The following OSBPL9 variants were observed in gnomAD, a reference collection of about 807,000 sequenced individuals.
The protein encoded by OSBPL9 is oxysterol binding protein like 9.
Under a neutral mutation model 106.6 loss-of-function variants are expected in OSBPL9, and 40 were observed. The observed-to-expected ratio is 0.38, with a 90% CI of 0.29 to 0.49. The LOEUF is 0.49. OSBPL9 is among the 20% of genes least tolerant of loss of function. The pLI, the probability that OSBPL9 is intolerant of heterozygous loss-of-function variation, is 0.97. For synonymous variants in OSBPL9, 269 were observed against 295.4 expected (o/e 0.91, Z 0.92); for missense variants, 609 against 887.2 (o/e 0.69, Z 3.98).
chr1:51,665,541 T>C (rs1296196873), intron 2 of OSBPL9, among the ~76,000 whole-genome samples: 1 of 152,040 alleles, frequency 6.6e-6, no homozygotes, highest in Non-Finnish European at 1.5e-5. Flanking sequence ...GGATGTAGGG[T>C]TTTTGTCATA....
intron 2 of OSBPL9, among the ~76,000 whole-genome samples, chr1:51,608,651 C>T (rs1341218190): frequency 6.7e-6 from 1 of 150,140 alleles, no homozygotes; most frequent in Non-Finnish European, 1.5e-5. Context: ...TGACCATCAT[C>T]TGATGGTCAC....
chr1:51,780,933 A>G (rs1328386093), intron 15 of OSBPL9, among the ~76,000 whole-genome samples: 1 of 152,110 alleles, frequency 6.6e-6, no homozygotes, highest in East Asian at 1.9e-4. Flanking sequence ...CAAACACACC[A>G]CCTGTTCCCC....
At chr1:51,649,736 C>CTTTTTTTTTT (rs71578080) in intron 1 of OSBPL9, among the ~76,000 whole-genome samples, 13 of 96,984 alleles carry the variant, frequency 1.3e-4, no homozygotes, top group East Asian at 3.2e-4. Flanking sequence ...ACATGTTAGT[C>CTTTTTTTTTT]TTTTTTTTTT....
chr1:51,706,203 A>T (rs927927820), intron 3 of OSBPL9, among the ~76,000 whole-genome samples: 1 of 152,094 alleles, frequency 6.6e-6, no homozygotes, highest in Admixed American at 6.6e-5. Context: ...TTATGAGATG[A>T]TTTTCAATTA....
chr1:51,729,931 C>A lies in OSBPL9; in HGVS notation c.319-15605C>A. On this transcript the variant is annotated intron_variant, in intron 4 of 23. Transcript: ENST00000428468. This position sits in a 1 kb window ranked among gnomAD's most constrained non-coding sequence, Gnocchi z 5.1. ...AAAAAGGGGTGCTCGGGAGCAGCCC[C>A]CGGCTACCTCCCCTGGAGGCACAGA... The A allele has an allele frequency of 7.7e-7, 1 of 1,306,612 alleles. No individual in the cohort carries two copies. Among genetic ancestry groups the A allele is most frequent in the Non-Finnish European group, 9.8e-7 (1 of 1,019,464 alleles). The allele number at this position is 1,306,612 out of a possible 1,614,324, so 80.9% of individuals were successfully genotyped here. A position where few individuals can be genotyped will look rare whatever the true frequency, so the allele number is the denominator to read the frequency against.
chr1:51,744,859 G>A (rs1002277747), intron 4 of OSBPL9, among the ~76,000 whole-genome samples: 1 of 152,188 alleles, frequency 6.6e-6, no homozygotes, highest in African/African-American at 2.4e-5. Flanking sequence ...ACATGCAAAT[G>A]CTGCACTTTT....
intron 3 of OSBPL9, among the ~76,000 whole-genome samples, chr1:51,689,263 G>A (rs1014491400): frequency 6.6e-6 from 1 of 152,046 alleles, no homozygotes. Context: ...GCTTGCCTTG[G>A]AAGCCAACAA....
At chr1:51,787,655 A>G in intron 23 of OSBPL9, 60 bp from the exon 24 acceptor site, 2 of 1,596,160 alleles carry the variant, frequency 1.3e-6, no homozygotes, top group Non-Finnish European at 1.7e-6. Context: ...ATGAAATAGT[A>G]AGTATATTAC....
rs533050028 is a variant in OSBPL9, at chr1:51,738,230, T to C, written c.319-7306T>C. Reference sequence around the variant, plus strand: ...GTGTTTTGTTCTATAAGTCAAAGGGTGTATTAGTATCAGATGAGGGTATCA... The same window carrying C: ...GTGTTTTGTTCTATAAGTCAAAGGGCGTATTAGTATCAGATGAGGGTATCA... On this transcript the variant is annotated intron_variant, in intron 4 of 23. Coordinates refer to ENST00000428468, the MANE Select transcript of OSBPL9 (RefSeq NM_024586.6). Among the ~76,000 whole-genome samples, 163 of 152,094 alleles carry C rather than the reference T, an allele frequency of 1.1e-3. 1 individual carries two copies. Among genetic ancestry groups the C allele is most frequent in the African/African-American group, 3.8e-3 (157 of 41,538 alleles).
At chr1:51,752,295 C>T (rs917600763) in intron 8 of OSBPL9, among the ~76,000 whole-genome samples, 2 of 150,142 alleles carry the variant, frequency 1.3e-5, no homozygotes, top group African/African-American at 4.9e-5. Flanking sequence ...ACGTGGAGGG[C>T]ATTTACCACA....
At chr1:51,529,647 A>G in the OSBPL9 span, among the ~76,000 whole-genome samples, 3 of 151,970 alleles carry the variant, frequency 2.0e-5, no homozygotes, top group Non-Finnish European at 4.4e-5. Context: ...TTAATAGTCA[A>G]TTGATTTTCA....
chr1:51,729,773 C>T lies in OSBPL9; in HGVS notation c.318+15694C>T. ...AGCCGCCAGGGCCAGCCAATCGGGG[C>T]GACCCCTCCGCCGGGGAGGGGACGG... On this transcript the variant is annotated intron_variant, in intron 4 of 23. Coordinates refer to ENST00000428468, the MANE Select transcript of OSBPL9 (RefSeq NM_024586.6). This position sits in a 1 kb window ranked among gnomAD's most constrained non-coding sequence, Gnocchi z 5.1. 9 of 1,209,560 alleles carry T rather than the reference C, an allele frequency of 7.4e-6. No individual in the cohort carries two copies. Among genetic ancestry groups the T allele is most frequent in the Non-Finnish European group, 9.4e-6 (9 of 962,226 alleles). 74.9% of individuals were successfully genotyped at this position (1,209,560 alleles called of 1,614,324 possible).
At chr1:51,716,830 C>T (rs1045840417) in intron 4 of OSBPL9, among the ~76,000 whole-genome samples, 8 of 152,056 alleles carry the variant, frequency 5.3e-5, no homozygotes, top group Non-Finnish European at 1.2e-4. Flanking sequence ...TAAAACATAT[C>T]CTAGTATCTA....
chr1:51,648,075 C>T (rs982595449), intron 1 of OSBPL9, among the ~76,000 whole-genome samples: 1 of 152,164 alleles, frequency 6.6e-6, no homozygotes, highest in East Asian at 1.9e-4. Context: ...GTGACAGTTA[C>T]TGGGCTGTAG....
At position 51,705,397 on chromosome 1, in the gene OSBPL9, A is replaced by ATT. The variant is rs1396184837; in HGVS notation, c.242-8605_242-8604insTT. 8.4e-3 allele frequency among the ~76,000 whole-genome samples: 438 copies of ATT among 52,008 alleles called. 8 individuals carry two copies. The highest frequency in any genetic ancestry group is 0.032 in the Admixed American group (114 of 3,592). The allele number at this position is 52,008 out of a possible 152,430, so 34.1% of individuals were successfully genotyped here. ...GTTTCATATATATATATATATATATATATTTTTTTTTTTTTTTTTTTTTTT... is the reference window on the plus strand; with the variant it reads ...GTTTCATATATATATATATATATATATTTATTTTTTTTTTTTTTTTTTTTTTT... On this transcript the variant is annotated intron_variant, in intron 3 of 23. Coordinates refer to ENST00000428468, the MANE Select transcript of OSBPL9 (RefSeq NM_024586.6).
intron 1 of OSBPL9, among the ~76,000 whole-genome samples, chr1:51,626,631 C>T (rs189373694): frequency 8.7e-4 from 132 of 152,150 alleles, no homozygotes; most frequent in African/African-American, 3.1e-3. Flanking sequence ...CTGCCTCAGT[C>T]TTCTGAGTAG....
At chr1:51,705,805 A>G (rs1358914600) in intron 3 of OSBPL9, among the ~76,000 whole-genome samples, 1 of 152,114 alleles carries the variant, frequency 6.6e-6, no homozygotes, top group Non-Finnish European at 1.5e-5. Context: ...ATTTTTTTTC[A>G]CATATTCAAC....
intron 8 of OSBPL9, among the ~76,000 whole-genome samples, chr1:51,754,835 C>A (rs1039449109): frequency 1.3e-5 from 2 of 152,094 alleles, no homozygotes; most frequent in African/African-American, 4.8e-5. Context: ...TAGTGTCTTG[C>A]TCTGTCACTC....
At chr1:51,703,569 A>G (rs1314072390) in intron 3 of OSBPL9, among the ~76,000 whole-genome samples, 1 of 152,258 alleles carries the variant, frequency 6.6e-6, no homozygotes, top group Admixed American at 6.5e-5. Flanking sequence ...TTCTAGATAC[A>G]CAATCATGTA....
Sources: allele counts gnomAD v4.1 joint callset (sites outside exome capture counted in the v4.1 genomes callset), GRCh38; gene constraint gnomAD v4.1.1; non-coding constraint Gnocchi (gnomAD v3.1); transcripts MANE v1.5; gene names NCBI Gene and HGNC (gene_info 2026-07-23, HGNC 2026-07-21).